The following USH2A variants were observed in gnomAD, a reference collection of about 807,000 sequenced individuals.
USH2A encodes the protein Usher syndrome 2A (autosomal recessive, mild).
A neutral mutation model predicts 538.9 loss-of-function variants in USH2A; 443 were observed. That is an observed-to-expected ratio of 0.82 (90% CI 0.76 to 0.89). The LOEUF is 0.89. Ranked by LOEUF, USH2A falls within the 40% of genes least tolerant of loss-of-function variation. The probability of loss-of-function intolerance (pLI) is 0.00; values close to 1 mark genes in which losing one functional copy is unlikely to be tolerated. For missense variants in USH2A, 6,633 were observed against 6,324.8 expected (o/e 1.05, Z -1.65); for synonymous variants, 2,413 against 2,273.5 (o/e 1.06, Z -1.75).
chr1:216,013,261 A>G, intron 32 of USH2A, among the ~76,000 whole-genome samples: 1 of 148,236 alleles, frequency 6.7e-6, no homozygotes, highest in Admixed American at 6.8e-5. Flanking sequence ...CAACCCCACA[A>G]TATCACCCCT....
intron 21 of USH2A, among the ~76,000 whole-genome samples, chr1:216,114,284 T>C (rs2032947744): frequency 6.6e-6 from 1 of 151,848 alleles, no homozygotes. Context: ...CTTTTTTAGG[T>C]ATAAACTTAT....
chr1:215,886,910 T>C (rs1665071827), intron 41 of USH2A, among the ~76,000 whole-genome samples: 1 of 152,166 alleles, frequency 6.6e-6, no homozygotes, highest in African/African-American at 2.4e-5. Flanking sequence ...CAGGCTGGAG[T>C]GCAGTGGCAT....
Position 215,840,844 on chromosome 1 carries a change from T to C in USH2A, c.9259-2741A>G, listed in dbSNP as rs946328769. 2.0e-5 allele frequency among the ~76,000 whole-genome samples: 3 copies of C among 152,186 alleles called. No individual in the cohort carries two copies. In the East Asian group the frequency reaches 5.8e-4, roughly 29 times the overall value. On this transcript the variant is annotated intron_variant, in intron 46 of 71. Coordinates refer to ENST00000307340, the MANE Select transcript of USH2A (RefSeq NM_206933.4). ...CCTCCATCACCTTCCTGTGTTAGCCTTTTTTATATAGCTATATTTCTAATT... is the reference window on the plus strand; with the variant it reads ...CCTCCATCACCTTCCTGTGTTAGCCCTTTTTATATAGCTATATTTCTAATT...
intron 68 of USH2A, among the ~76,000 whole-genome samples, chr1:215,639,858 A>G (rs547629381): frequency 5.8e-4 from 89 of 152,358 alleles, no homozygotes; most frequent in East Asian, 3.9e-4. Flanking sequence ...ATTACTATAC[A>G]TGCAATGCTG....
intron 41 of USH2A, among the ~76,000 whole-genome samples, chr1:215,883,431 C>A (rs950463702): frequency 1.5e-4 from 22 of 147,910 alleles, no homozygotes; most frequent in African/African-American, 5.4e-4. Context: ...ATATAGCTAT[C>A]TTTTTTTTTT....
chr1:216,238,836 A>C (rs1160649676), intron 13 of USH2A, among the ~76,000 whole-genome samples: 10 of 152,152 alleles, frequency 6.6e-5, no homozygotes, highest in Admixed American at 3.9e-4. Context: ...AGAAGTCCTT[A>C]AGCTTGCTAC....
At chr1:215,851,809 A>C (rs1664024070) in intron 44 of USH2A, among the ~76,000 whole-genome samples, 1 of 152,040 alleles carries the variant, frequency 6.6e-6, no homozygotes, top group Non-Finnish European at 1.5e-5. Context: ...AGATAACCAA[A>C]TCCAACAGCA....
intron 37 of USH2A, among the ~76,000 whole-genome samples, chr1:215,940,941 A>G (rs1666615437): frequency 6.6e-6 from 1 of 151,952 alleles, no homozygotes; most frequent in Non-Finnish European, 1.5e-5. Flanking sequence ...TGACAACTCT[A>G]TAGATATCGA....
intron 4 of USH2A, among the ~76,000 whole-genome samples, chr1:216,328,371 T>C (rs1377986110): frequency 6.6e-6 from 1 of 152,146 alleles, no homozygotes; most frequent in African/African-American, 2.4e-5. Flanking sequence ...GTTTGGCAAA[T>C]ATTTTTTCAG....
At chr1:216,383,213 GA>G (rs1002942241) in intron 3 of USH2A, among the ~76,000 whole-genome samples, 17 of 151,312 alleles carry the variant, frequency 1.1e-4, no homozygotes, top group Non-Finnish European at 2.2e-4. Flanking sequence ...AAGGGTATAA[GA>G]AAAAAAAATC....
At chr1:215,732,079 A>T (rs531898318) in intron 60 of USH2A, among the ~76,000 whole-genome samples, 1 of 152,256 alleles carries the variant, frequency 6.6e-6, no homozygotes, top group Non-Finnish European at 1.5e-5. Flanking sequence ...GAATGAAGTT[A>T]TCATGGAGAT....
intron 32 of USH2A, among the ~76,000 whole-genome samples, chr1:216,003,100 T>A (rs1668304856): frequency 1.3e-5 from 2 of 152,034 alleles, no homozygotes; most frequent in Non-Finnish European, 2.9e-5. Context: ...AAGTGTCCGT[T>A]TCTATAACAA....
intron 4 of USH2A, among the ~76,000 whole-genome samples, chr1:216,340,593 G>A (rs982204087): frequency 6.7e-6 from 1 of 149,248 alleles, no homozygotes; most frequent in African/African-American, 2.5e-5. Flanking sequence ...ACACTAATAC[G>A]AAAATCCTCA....
chr1:216,198,805 A>G (rs1457096249), intron 17 of USH2A, among the ~76,000 whole-genome samples: 3 of 152,210 alleles, frequency 2.0e-5, no homozygotes, highest in Non-Finnish European at 4.4e-5. Flanking sequence ...ATGAATGTAT[A>G]AAATACTATT....
chr1:215,773,573 C>G (rs1661365534), intron 55 of USH2A, among the ~76,000 whole-genome samples: 1 of 151,596 alleles, frequency 6.6e-6, no homozygotes, highest in Non-Finnish European at 1.5e-5. Flanking sequence ...GCTCTCCTCT[C>G]TCCTTTCTTC....
chr1:216,284,888 T>TTA (rs2036851799), intron 11 of USH2A, among the ~76,000 whole-genome samples: 2 of 152,148 alleles, frequency 1.3e-5, no homozygotes, highest in African/African-American at 4.8e-5. Context: ...TCATTCTTGC[T>TTA]ATGCAAAGAG....
Position 216,356,194 on chromosome 1 carries a change from A to G in USH2A, c.784+8759T>C, listed in dbSNP as rs137989062. ...AATAATTGTATGTACAATGAGTTAA[A>G]TGTCCAATGAACGCTTGTGTTTCCT... On this transcript the variant is annotated intron_variant, in intron 4 of 71. Transcript: ENST00000307340. Among the ~76,000 whole-genome samples, 11 of 152,196 alleles carry G rather than the reference A, an allele frequency of 7.2e-5. No homozygotes were observed. The South Asian group carries it at 1.9e-3, about 26-fold the overall frequency.
intron 11 of USH2A, among the ~76,000 whole-genome samples, chr1:216,262,230 G>T (rs1272336656): frequency 6.6e-6 from 1 of 152,022 alleles, no homozygotes; most frequent in South Asian, 2.1e-4. Context: ...AAGTAAAAGA[G>T]ATTTTCAAAA....
chr1:216,097,476 A>G (rs2032468127), intron 21 of USH2A, among the ~76,000 whole-genome samples: 1 of 152,170 alleles, frequency 6.6e-6, no homozygotes, highest in Non-Finnish European at 1.5e-5. Context: ...CATCAACCCA[A>G]AAAGACATAT....
Sources: gnomAD v4.1 joint callset for allele counts (sites outside exome capture counted in the v4.1 genomes callset) on GRCh38, gnomAD v4.1.1 for gene constraint, MANE v1.5 for transcripts, NCBI Gene and HGNC (gene_info 2026-07-23, HGNC 2026-07-21) for gene names.